The following ETV6 variants were observed in gnomAD, a reference collection of about 807,000 sequenced individuals.
The protein encoded by ETV6 is ETS variant transcription factor 6.
Under a neutral mutation model 51.1 loss-of-function variants are expected in ETV6, and 16 were observed. That is an observed-to-expected ratio of 0.31 (90% CI 0.21 to 0.48). The LOEUF (loss-of-function observed/expected upper bound fraction) is 0.48, where lower values mean the gene tolerates loss of function less well. Among genes scored for constraint, ETV6 ranks in the 20% least tolerant of loss-of-function variants. The pLI is 0.99. For missense variants in ETV6, 458 were observed against 594.8 expected (o/e 0.77, Z 2.39); for synonymous variants, 240 against 224.1 (o/e 1.07, Z -0.64).
intron 1 of ETV6, among the ~76,000 whole-genome samples, chr12:11,735,371 C>G (rs559623783): frequency 6.6e-6 from 1 of 152,218 alleles, no homozygotes; most frequent in South Asian, 2.1e-4. Flanking sequence ...GTGGTGAGAT[C>G]AGTGGGTGGC....
At chr12:11,662,239 G>T (rs1308343775) in intron 1 of ETV6, among the ~76,000 whole-genome samples, 1 of 152,108 alleles carries the variant, frequency 6.6e-6, no homozygotes, top group Non-Finnish European at 1.5e-5. Flanking sequence ...GTGGGATAAG[G>T]CCCCAGAGTG....
intron 1 of ETV6, chr12:11,751,876 G>C (rs768369010): frequency 1.4e-5 from 7 of 507,834 alleles, no homozygotes; most frequent in African/African-American, 1.4e-4. Flanking sequence ...ATTTTTGGTT[G>C]TGGTGGTTGT....
intron 2 of ETV6, among the ~76,000 whole-genome samples, chr12:11,788,828 T>G (rs765159674): frequency 6.6e-6 from 1 of 151,698 alleles, no homozygotes; most frequent in Non-Finnish European, 1.5e-5. Context: ...AGTTTGTCCT[T>G]TCTTCCCCCT....
chr12:11,685,612 G>A (rs926216865), intron 1 of ETV6, among the ~76,000 whole-genome samples: 1 of 152,176 alleles, frequency 6.6e-6, no homozygotes, highest in African/African-American at 2.4e-5. Flanking sequence ...ACACGTGTGT[G>A]TGTATTTTCA....
At chr12:11,802,764 C>T (rs1347332200) in intron 2 of ETV6, among the ~76,000 whole-genome samples, 1 of 152,176 alleles carries the variant, frequency 6.6e-6, no homozygotes, top group Non-Finnish European at 1.5e-5. Flanking sequence ...CTAAATCATG[C>T]CTTGGATTGA....
chr12:11,878,522 G>A (rs969261500), intron 5 of ETV6, among the ~76,000 whole-genome samples: 2 of 152,134 alleles, frequency 1.3e-5, no homozygotes, highest in African/African-American at 2.4e-5. Flanking sequence ...TTCGGATACC[G>A]GTGTTTCCAA....
At chr12:11,759,767 C>T (rs1184884430) in intron 2 of ETV6, among the ~76,000 whole-genome samples, 1 of 71,446 alleles carries the variant, frequency 1.4e-5, no homozygotes, top group Admixed American at 1.9e-4. Context: ...GATAAAGGTT[C>T]AGTGTGTTGG....
Position 11,666,438 on chromosome 12 carries a change from C to T in ETV6, c.33+16278C>T, listed in dbSNP as rs181994322. 6.2e-4 allele frequency among the ~76,000 whole-genome samples: 94 copies of T among 152,288 alleles called. 1 individual carries two copies. Among genetic ancestry groups the T allele is most frequent in the Admixed American group, 4.8e-3 (73 of 15,302 alleles). The stretch of plus-strand genomic sequence containing the variant: ...AAAAACAACTCAAAGTTATGTCTTA[C>T]GGATGGTAGGACAGCCTCAATATTG... On this transcript the variant is annotated intron_variant, in intron 1 of 7. Coordinates refer to ENST00000396373, the MANE Select transcript of ETV6 (RefSeq NM_001987.5).
chr12:11,717,693 A>G (rs1055950401), intron 1 of ETV6, among the ~76,000 whole-genome samples: 6 of 152,204 alleles, frequency 3.9e-5, no homozygotes, highest in African/African-American at 1.2e-4. Context: ...AAAACGCATG[A>G]GAATGCTTTC....
intron 1 of ETV6, among the ~76,000 whole-genome samples, chr12:11,656,687 T>C (rs1285181457): frequency 6.6e-6 from 1 of 152,162 alleles, no homozygotes; most frequent in African/African-American, 2.4e-5. Context: ...TGTGTTTTTC[T>C]TGCTTCCTCC....
Position 11,866,233 on chromosome 12 carries a change from G to A in ETV6, c.464-3191G>A, listed in dbSNP as rs568601983. Among the ~76,000 whole-genome samples the A allele has an allele frequency of 5.3e-5, 8 of 151,750 alleles. 1 individual carries two copies. The South Asian group carries it at 1.7e-3, about 32-fold the overall frequency. On this transcript the variant is annotated intron_variant, in intron 4 of 7. Coordinates refer to ENST00000396373, the MANE Select transcript of ETV6 (RefSeq NM_001987.5). Reference sequence around the variant, plus strand: ...AATTCCATTTCCCTTTTGGCAGCCTGTATGTGTCATCATTTATTACAACCA... The same window carrying A: ...AATTCCATTTCCCTTTTGGCAGCCTATATGTGTCATCATTTATTACAACCA...
rs1947354450 is a variant in ETV6, at chr12:11,894,174, TACCTGCCTAATCC to T, written c.*3132_*3144del. On this transcript the variant is annotated 3_prime_UTR_variant, in exon 8 of 8. Transcript: ENST00000396373. ...ATCCCTGCTTTCAGAGTTTATATTG[TACCTGCCTAATCC>T]ACCCGGCGTGACTCATTTCAACACT... 3 of 231,538 alleles carry T rather than the reference TACCTGCCTAATCC, an allele frequency of 1.3e-5. No homozygotes were observed. The East Asian group carries it at 1.8e-4, about 14-fold the overall frequency. 14.3% of individuals were successfully genotyped at this position (231,538 alleles called of 1,614,324 possible). A position where few individuals can be genotyped will look rare whatever the true frequency, so the allele number is the denominator to read the frequency against.
chr12:11,694,945 A>G (rs1357419232), intron 1 of ETV6, among the ~76,000 whole-genome samples: 1 of 152,152 alleles, frequency 6.6e-6, no homozygotes, highest in East Asian at 1.9e-4. Flanking sequence ...AAAAAACAAA[A>G]TTTGGAACCG....
chr12:11,890,288 C>T (rs1250776652), intron 7 of ETV6, among the ~76,000 whole-genome samples: 1 of 151,830 alleles, frequency 6.6e-6, no homozygotes, highest in Non-Finnish European at 1.5e-5. Flanking sequence ...GGATATACAG[C>T]TCTCATGAGT....
At chr12:11,804,412 C>T (rs765115397) in intron 2 of ETV6, among the ~76,000 whole-genome samples, 1 of 152,240 alleles carries the variant, frequency 6.6e-6, no homozygotes, top group Non-Finnish European at 1.5e-5. Flanking sequence ...TCGTCAACCT[C>T]TCCACCCTCA....
rs1397337337 is a variant in ETV6, at chr12:11,894,858, G to A, written c.*3812G>A. ...CCCTGTGTGGCTCATTCCCACCCAG[G>A]AAACTGAAGATAAAAGATTTGGGAA... On this transcript the variant is annotated 3_prime_UTR_variant, in exon 8 of 8. Transcript: ENST00000396373. The A allele has an allele frequency of 1.7e-5, 4 of 233,642 alleles. No individual in the cohort carries two copies. The highest frequency in any genetic ancestry group is 1.3e-3 in the Middle Eastern group (1 of 786). The allele number at this position is 233,642 out of a possible 1,614,324, so 14.5% of individuals were successfully genotyped here. A position where few individuals can be genotyped will look rare whatever the true frequency, so the allele number is the denominator to read the frequency against.
At chr12:11,723,873 G>A (rs1865439503) in intron 1 of ETV6, among the ~76,000 whole-genome samples, 1 of 151,874 alleles carries the variant, frequency 6.6e-6, no homozygotes, top group South Asian at 2.1e-4. Flanking sequence ...TATTCCTTGG[G>A]ACAAGGCCAG....
At chr12:11,821,671 T>TAA (rs376725658) in intron 2 of ETV6, among the ~76,000 whole-genome samples, 18 of 149,816 alleles carry the variant, frequency 1.2e-4, no homozygotes, top group African/African-American at 3.7e-4. Flanking sequence ...CCCCATCTCT[T>TAA]AAAAAAAAAA....
chr12:11,752,484 C>T lies in ETV6; in HGVS notation c.68C>T (p.Pro23Leu). Reference sequence around the variant, plus strand: ...ATTTCATATACACCTCCAGAGAGCCCAGTGCCGAGTTACGCTTCCTCGACG... The same window carrying T: ...ATTTCATATACACCTCCAGAGAGCCTAGTGCCGAGTTACGCTTCCTCGACG... ...ERISYTPPES[P>L]VPSYASSTPL... Residue 23 changes from proline (P) to leucine (L), a missense_variant, in exon 2 of 8, where the codon CCA becomes CTA. Pro to Leu is a moderately conservative substitution (Grantham distance 98, BLOSUM62 -3). This residue lies in a region of ETV6 where 84 missense variants were observed against 75.9 expected (regional missense o/e 1.11). Coordinates refer to ENST00000396373, the MANE Select transcript of ETV6 (RefSeq NM_001987.5). 6.2e-7 allele frequency: 1 copy of T among 1,613,924 alleles called. No individual in the cohort carries two copies. The highest frequency in any genetic ancestry group is 8.5e-7 in the Non-Finnish European group (1 of 1,179,928).
Sources: gnomAD v4.1 joint callset for allele counts (sites outside exome capture counted in the v4.1 genomes callset) on GRCh38, gnomAD v4.1.1 for gene constraint, gnomAD v4.1.1 regional missense constraint, MANE v1.5 for transcripts, NCBI Gene and HGNC (gene_info 2026-07-23, HGNC 2026-07-21) for gene names.